POGZ: variants seen among roughly 807,000 people sequenced by gnomAD.
POGZ encodes the protein pogo transposable element with ZNF domain.
POGZ carries 17 observed loss-of-function variants against 134.6 expected under a neutral mutation model. The ratio of observed to expected loss-of-function variants is 0.13; its 90% CI spans 0.09 to 0.19. POGZ has a LOEUF of 0.19. Among genes scored for constraint, POGZ ranks in the 10% least tolerant of loss-of-function variants. POGZ has a pLI of 1.00. For synonymous variants in POGZ, 693 were observed against 657.1 expected, an observed-to-expected ratio of 1.05 and a Z score of -0.84; for missense variants, 1,306 against 1,769.7, an observed-to-expected ratio of 0.74 and a Z score of 4.70.
At chr1:151,420,025 A>G (rs371228586) in intron 10 of POGZ, among the ~76,000 whole-genome samples, 3 of 152,000 alleles carry the variant, frequency 2.0e-5, no homozygotes, top group African/African-American at 7.2e-5. Flanking sequence ...TCTACCCCCA[A>G]GAAAAGGAAT....
At chr1:151,449,133 T>A (rs974050174) in intron 1 of POGZ, among the ~76,000 whole-genome samples, 3 of 152,200 alleles carry the variant, frequency 2.0e-5, no homozygotes, top group African/African-American at 7.2e-5. Flanking sequence ...AAATATTTCA[T>A]CATATTCCAG....
At chr1:151,415,100 A>G (rs1655389680) in intron 10 of POGZ, among the ~76,000 whole-genome samples, 1 of 152,124 alleles carries the variant, frequency 6.6e-6, no homozygotes, top group South Asian at 2.1e-4. Context: ...GTACCTTCCT[A>G]AGGCTCATCC....
chr1:151,451,263 A>G (rs1269210261), intron 1 of POGZ, among the ~76,000 whole-genome samples: 1 of 150,834 alleles, frequency 6.6e-6, no homozygotes, highest in African/African-American at 2.4e-5. Flanking sequence ...GCCAAAAACA[A>G]TGTATGAAGT....
rs900052907 is a variant in POGZ, at chr1:151,403,523, A to G, written c.*1279T>C. On this transcript the variant is annotated 3_prime_UTR_variant, in exon 19 of 19. Transcript: ENST00000271715. Reference sequence around the variant, plus strand: ...TTTGCTCCTTTTCTCTGTACGGTACAGTACGTTTTGGTTTACAACCATGAG... The same window carrying G: ...TTTGCTCCTTTTCTCTGTACGGTACGGTACGTTTTGGTTTACAACCATGAG... 1.1e-5 allele frequency: 11 copies of G among 985,392 alleles called. No individual in the cohort carries two copies. Among genetic ancestry groups the G allele is most frequent in the East Asian group, 2.3e-4 (2 of 8,828 alleles). 61.0% of individuals were successfully genotyped at this position (985,392 alleles called of 1,614,324 possible).
At chr1:151,449,681 G>A (rs1238633278) in intron 1 of POGZ, among the ~76,000 whole-genome samples, 2 of 152,198 alleles carry the variant, frequency 1.3e-5, no homozygotes, top group East Asian at 1.9e-4. Flanking sequence ...CGGATCACGA[G>A]GTCAGGAGAT....
In POGZ at chr1:151,430,718, T is replaced by C. The variant is rs141132016; in HGVS notation, c.407A>G (p.Asn136Ser). 311 of 1,610,230 alleles carry C rather than the reference T, an allele frequency of 1.9e-4. 1 individual carries two copies. The highest frequency in any genetic ancestry group is 2.4e-4 in the Non-Finnish European group (281 of 1,178,324). The change falls in exon 4 of 19, where the codon AAT (asparagine) becomes AGT (serine). Residue 136 changes from asparagine to serine, a missense_variant. Coordinates refer to ENST00000271715, the MANE Select transcript of POGZ (RefSeq NM_015100.4). ...LRPVQVMQNA[N>S]HVTSSPVASQ... ...GGCCACAGGGGAACTAGTCACATGA[T>C]TGGCATTCTGCATGACCTGAACAGG...
At chr1:151,434,792 C>G (rs1659306333) in intron 3 of POGZ, among the ~76,000 whole-genome samples, 1 of 151,672 alleles carries the variant, frequency 6.6e-6, no homozygotes, top group East Asian at 2.0e-4. Flanking sequence ...CCATGTTGGC[C>G]AGGATGGTCT....
At chr1:151,414,274 C>A (rs1428032321) in intron 10 of POGZ, among the ~76,000 whole-genome samples, 1 of 152,156 alleles carries the variant, frequency 6.6e-6, no homozygotes, top group African/African-American at 2.4e-5. Flanking sequence ...TTTCCACTCA[C>A]CCCCCGATTT....
Position 151,429,124 on chromosome 1 carries a change from TAA to T in POGZ, c.568+477_568+478del, listed in dbSNP as rs79814829. ...AAAAAAATTATCCTTCTCAGAATCT[TAA>T]AAAAAAAAAAAACTATCTAGCAGAA... On this transcript the variant is annotated intron_variant, in intron 5 of 18. Coordinates refer to ENST00000271715, the MANE Select transcript of POGZ (RefSeq NM_015100.4). Among the ~76,000 whole-genome samples, 49 of 143,520 alleles carry T rather than the reference TAA, an allele frequency of 3.4e-4. 1 individual carries two copies. The highest frequency in any genetic ancestry group is 2.4e-3 in the South Asian group (11 of 4,568). 94.2% of individuals were successfully genotyped at this position (143,520 alleles called of 152,430 possible).
intron 10 of POGZ, among the ~76,000 whole-genome samples, chr1:151,415,713 T>C (rs1655519761): frequency 2.0e-5 from 3 of 151,386 alleles, no homozygotes; most frequent in Admixed American, 6.6e-5. Flanking sequence ...AAATGTACCT[T>C]AAGATAGCCA....
At chr1:151,436,621 C>T (rs1659635880) in intron 3 of POGZ, among the ~76,000 whole-genome samples, 1 of 151,980 alleles carries the variant, frequency 6.6e-6, no homozygotes, top group Non-Finnish European at 1.5e-5. Context: ...TTTTGTATGT[C>T]TGGCTTCTTT....
intron 17 of POGZ, 61 bp from the exon 18 acceptor site, chr1:151,406,692 A>G (rs1238575014): frequency 1.4e-6 from 2 of 1,415,724 alleles, no homozygotes; most frequent in African/African-American, 1.4e-5. Context: ...CTCCAAAGAC[A>G]GTGCCCTGGG....
In POGZ at chr1:151,434,050, TATA is replaced by T. The variant is rs1455830678; in HGVS notation, c.284-3212_284-3210del. Among the ~76,000 whole-genome samples the T allele has an allele frequency of 2.0e-5, 3 of 152,242 alleles. No homozygotes were observed. The East Asian group carries it at 5.8e-4, about 30-fold the overall frequency. ...AAGGCCAGGCGTGGTGGCTTACGCCTATAATGTCAGCACTTTGGGAGGCCGAGG... is the reference window on the plus strand; with the variant it reads ...AAGGCCAGGCGTGGTGGCTTACGCCTATGTCAGCACTTTGGGAGGCCGAGG... On this transcript the variant is annotated intron_variant, in intron 3 of 18. Transcript: ENST00000271715.
At chr1:151,418,442 A>AG (rs1455140494) in intron 10 of POGZ, among the ~76,000 whole-genome samples, 4 of 152,148 alleles carry the variant, frequency 2.6e-5, no homozygotes, top group African/African-American at 9.7e-5. Flanking sequence ...TGGGAAGAGT[A>AG]GGGGAGTAGA....
chr1:151,408,679 T>C lies in POGZ; in HGVS notation c.2061+15A>G, dbSNP rs1424079667. Reference sequence around the variant, plus strand: ...CCCTCCCTGGGCCTATAAAAGACACTGGCAAACTCTTTACCTTGGTGCCTG... The same window carrying C: ...CCCTCCCTGGGCCTATAAAAGACACCGGCAAACTCTTTACCTTGGTGCCTG... On this transcript the variant is annotated intron_variant, in intron 13 of 18. Coordinates refer to ENST00000271715, the MANE Select transcript of POGZ (RefSeq NM_015100.4). 1.2e-6 allele frequency: 2 copies of C among 1,611,216 alleles called. No homozygotes were observed. The highest frequency in any genetic ancestry group is 1.7e-6 in the Non-Finnish European group (2 of 1,179,446).
At chr1:151,440,875 T>G (rs1301407895) in intron 3 of POGZ, 53 bp downstream of exon 3, 1 of 1,526,214 alleles carries the variant, frequency 6.6e-7, no homozygotes, top group Non-Finnish European at 9.1e-7. Flanking sequence ...AGACCTTTTT[T>G]ATTCTTTCAC....
chr1:151,425,533 G>A (rs1184973321), intron 7 of POGZ, among the ~76,000 whole-genome samples: 1 of 151,844 alleles, frequency 6.6e-6, no homozygotes, highest in Non-Finnish European at 1.5e-5. Context: ...CTCCACCCCG[G>A]CAACCACAAT....
Position 151,403,254 on chromosome 1 carries a change from C to G in POGZ, c.*1548G>C, listed in dbSNP as rs150277366. The G allele has an allele frequency of 2.0e-6, 2 of 985,642 alleles. No homozygotes were observed. Among genetic ancestry groups the G allele is most frequent in the Non-Finnish European group, 2.4e-6 (2 of 829,858 alleles). 61.1% of individuals were successfully genotyped at this position (985,642 alleles called of 1,614,324 possible). ...GTGGGGTGGGAGAAATGGGTGGTAACAAATGTCACACCTGTACCACCAGGC... is the reference window on the plus strand; with the variant it reads ...GTGGGGTGGGAGAAATGGGTGGTAAGAAATGTCACACCTGTACCACCAGGC... On this transcript the variant is annotated 3_prime_UTR_variant, in exon 19 of 19. Transcript: ENST00000271715.
chr1:151,445,279 T>A (rs1661104669), intron 1 of POGZ, among the ~76,000 whole-genome samples: 1 of 152,032 alleles, frequency 6.6e-6, no homozygotes, highest in Admixed American at 6.6e-5. Context: ...CTCAACACTT[T>A]GGGATGCTGA....
Sources: gnomAD v4.1 joint callset for allele counts (sites outside exome capture counted in the v4.1 genomes callset) on GRCh38, gnomAD v4.1.1 for gene constraint, MANE v1.5 for transcripts, NCBI Gene and HGNC (gene_info 2026-07-23, HGNC 2026-07-21) for gene names.